MAGI3: variants seen among roughly 807,000 people sequenced by gnomAD.
MAGI3 encodes membrane associated guanylate kinase, WW and PDZ domain containing 3.
Under a neutral mutation model 121.8 loss-of-function variants are expected in MAGI3, and 43 were observed. That is an observed-to-expected ratio of 0.35 (90% CI 0.28 to 0.46). The LOEUF (loss-of-function observed/expected upper bound fraction) is 0.46, where lower values mean the gene tolerates loss of function less well. Ranked by LOEUF, MAGI3 falls within the 20% of genes least tolerant of loss-of-function variation. MAGI3 has a pLI of 1.00. For synonymous variants in MAGI3, 553 were observed against 639.3 expected, an observed-to-expected ratio of 0.86 and a Z score of 2.04; for missense variants, 1,547 against 1,797.3, an observed-to-expected ratio of 0.86 and a Z score of 2.52.
At chr1:113,395,116 T>TTTTTTTTTTTTTTTTTTTTTTTTTA (rs1651035975) in intron 1 of MAGI3, among the ~76,000 whole-genome samples, 1 of 90,524 alleles carries the variant, frequency 1.1e-5, no homozygotes, top group African/African-American at 4.5e-5. Context: ...TTTTTTTTTT[T>TTTTTTTTTTTTTTTTTTTTTTTTTA]AGTGGGATAT....
At chr1:113,598,459 A>G (rs1250934708) in intron 6 of MAGI3, among the ~76,000 whole-genome samples, 1 of 152,188 alleles carries the variant, frequency 6.6e-6, no homozygotes, top group Non-Finnish European at 1.5e-5. Context: ...AAGGATTCCT[A>G]TAGACTCAAC....
chr1:113,460,895 A>G (rs1477397818), intron 1 of MAGI3, among the ~76,000 whole-genome samples: 1 of 152,194 alleles, frequency 6.6e-6, no homozygotes, highest in Non-Finnish European at 1.5e-5. Flanking sequence ...GCAGGATACA[A>G]AATCAATGTA....
In MAGI3 at chr1:113,578,719, T is replaced by C. The variant is rs184604113; in HGVS notation, c.434-1823T>C. ...AGAGAATCTAACAATGTAGTTTTGG[T>C]CAATAATGAGAAATATAAAAATTTG... On this transcript the variant is annotated intron_variant, in intron 2 of 20. Coordinates refer to ENST00000307546, the MANE Select transcript of MAGI3 (RefSeq NM_001142782.2). Among the ~76,000 whole-genome samples the C allele has an allele frequency of 2.6e-5, 4 of 152,218 alleles. No individual in the cohort carries two copies. In the East Asian group the frequency reaches 7.7e-4, roughly 29 times the overall value.
chr1:113,553,082 A>G (rs1231667057), intron 2 of MAGI3, among the ~76,000 whole-genome samples: 1 of 152,224 alleles, frequency 6.6e-6, no homozygotes, highest in Non-Finnish European at 1.5e-5. Context: ...CAACGTTGAA[A>G]AAAGAGGGCA....
At chr1:113,592,595 A>T (rs1233969964) in intron 5 of MAGI3, among the ~76,000 whole-genome samples, 1 of 151,710 alleles carries the variant, frequency 6.6e-6, no homozygotes, top group Non-Finnish European at 1.5e-5. Context: ...ATTTTCTAAA[A>T]TTTTTTTTTA....
intron 16 of MAGI3, among the ~76,000 whole-genome samples, chr1:113,667,939 A>G (rs995057720): frequency 6.6e-6 from 1 of 152,188 alleles, no homozygotes; most frequent in Non-Finnish European, 1.5e-5. Flanking sequence ...TATGTTTGCC[A>G]TTTTATATGG....
chr1:113,410,167 G>A (rs1570631411), intron 1 of MAGI3, among the ~76,000 whole-genome samples: 2 of 151,974 alleles, frequency 1.3e-5, no homozygotes, highest in South Asian at 2.1e-4. Context: ...AATTCATTAC[G>A]GAATACCCTG....
At chr1:113,614,361 T>G (rs1650330419) in intron 6 of MAGI3, among the ~76,000 whole-genome samples, 1 of 152,182 alleles carries the variant, frequency 6.6e-6, no homozygotes, top group Non-Finnish European at 1.5e-5. Flanking sequence ...GGCTTGTGGT[T>G]CATATGAACA....
At chr1:113,670,905 A>C (rs906450302) in intron 16 of MAGI3, among the ~76,000 whole-genome samples, 1 of 152,246 alleles carries the variant, frequency 6.6e-6, no homozygotes, top group Non-Finnish European at 1.5e-5. Flanking sequence ...CTTAATCATT[A>C]AGCTGTGCTC....
chr1:113,563,392 A>G (rs373818990), intron 2 of MAGI3, among the ~76,000 whole-genome samples: 1 of 152,192 alleles, frequency 6.6e-6, no homozygotes, highest in Admixed American at 6.5e-5. Context: ...TAAGCTTTCA[A>G]TAGCGAGCAC....
intron 19 of MAGI3, among the ~76,000 whole-genome samples, chr1:113,679,753 T>G (rs1648101360): frequency 6.6e-6 from 1 of 151,150 alleles, no homozygotes; most frequent in African/African-American, 2.4e-5. Context: ...CTGCCCAGAC[T>G]GGAGTGCAGT....
intron 1 of MAGI3, among the ~76,000 whole-genome samples, chr1:113,505,807 T>C (rs1487554012): frequency 6.6e-6 from 1 of 152,104 alleles, no homozygotes; most frequent in Non-Finnish European, 1.5e-5. Flanking sequence ...CCTTGACTTA[T>C]TCTAGAAACT....
chr1:113,411,719 G>GTT (rs758713324), intron 1 of MAGI3, among the ~76,000 whole-genome samples: 1 of 143,814 alleles, frequency 7.0e-6, no homozygotes, highest in African/African-American at 2.5e-5. Context: ...TAATTTTTTG[G>GTT]TTTTTTTTTT....
At chr1:113,561,635 T>C (rs1398586116) in intron 2 of MAGI3, among the ~76,000 whole-genome samples, 8 of 152,228 alleles carry the variant, frequency 5.3e-5, no homozygotes, top group Admixed American at 5.2e-4. Flanking sequence ...GAGCCATTTA[T>C]GACAGACCCA....
chr1:113,588,911 T>C (rs1648539910), intron 4 of MAGI3, among the ~76,000 whole-genome samples: 1 of 152,132 alleles, frequency 6.6e-6, no homozygotes, highest in Admixed American at 6.5e-5. Flanking sequence ...AAGAGAATTA[T>C]TTTCTTTTTA....
chr1:113,542,109 C>T (rs1295377003), intron 1 of MAGI3, among the ~76,000 whole-genome samples: 1 of 152,068 alleles, frequency 6.6e-6, no homozygotes, highest in Non-Finnish European at 1.5e-5. Flanking sequence ...GTACAGTAGT[C>T]CCCCCCTCCT....
chr1:113,638,700 A>G (rs1400440403), intron 9 of MAGI3, among the ~76,000 whole-genome samples: 2 of 151,898 alleles, frequency 1.3e-5, no homozygotes, highest in Non-Finnish European at 2.9e-5. Context: ...CCACTTGAGG[A>G]GGCAGTCTGC....
chr1:113,677,536 T>C (rs932702272), intron 19 of MAGI3, among the ~76,000 whole-genome samples: 4 of 152,218 alleles, frequency 2.6e-5, no homozygotes, highest in Non-Finnish European at 5.9e-5. Context: ...TTGGATTTCA[T>C]TGATAGGCAG....
In MAGI3 at chr1:113,683,981, A is replaced by G; in HGVS notation, c.4413A>G (p.Thr1471=). The G allele has an allele frequency of 6.3e-7, 1 of 1,594,706 alleles. No individual in the cohort carries two copies. The highest frequency in any genetic ancestry group is 2.2e-5 in the East Asian group (1 of 44,628). ...PWKVPSGNKV[T]GTIGMAEKRQ is the part of the protein sequence containing the mutation. ...AGGTTCCAAGTGGAAATAAAGTCACAGGCACTATTGGTATGGCTGAGAAAC... is the reference window on the plus strand; with the variant it reads ...AGGTTCCAAGTGGAAATAAAGTCACGGGCACTATTGGTATGGCTGAGAAAC... Residue 1471 remains threonine, a synonymous_variant, in exon 21 of 21, where the codon ACA becomes ACG. Coordinates refer to ENST00000307546, the MANE Select transcript of MAGI3 (RefSeq NM_001142782.2).
Sources: allele counts gnomAD v4.1 joint callset (sites outside exome capture counted in the v4.1 genomes callset), GRCh38; gene constraint gnomAD v4.1.1; transcripts MANE v1.5; gene names NCBI Gene and HGNC (gene_info 2026-07-23, HGNC 2026-07-21).